ADGRB1: variants seen among roughly 807,000 people sequenced by gnomAD.
ADGRB1 encodes adhesion G protein-coupled receptor B1.
A neutral mutation model predicts 175.7 loss-of-function variants in ADGRB1; 36 were observed. The ratio of observed to expected loss-of-function variants is 0.20; its 90% confidence interval spans 0.16 to 0.27. The LOEUF (loss-of-function observed/expected upper bound fraction) is 0.27, where lower values mean the gene tolerates loss of function less well. Among genes scored for constraint, ADGRB1 ranks in the 10% least tolerant of loss-of-function variants. The probability of loss-of-function intolerance (pLI) is 1.00; values close to 1 mark genes in which losing one functional copy is unlikely to be tolerated. For missense variants in ADGRB1, 1,731 were observed against 2,255.3 expected (o/e 0.77, Z 4.71); for synonymous variants, 1,054 against 979.4 (o/e 1.08, Z -1.42).
At chr8:142,528,780 G>A (rs368151223) in intron 24 of ADGRB1, among the ~76,000 whole-genome samples, 17 of 152,160 alleles carry the variant, frequency 1.1e-4, no homozygotes, top group South Asian at 2.1e-4. Context: ...GGCCACTCCC[G>A]TCCCCCCGAT....
intron 23 of ADGRB1, among the ~76,000 whole-genome samples, chr8:142,526,308 G>A (rs1844182420): frequency 6.6e-6 from 1 of 152,212 alleles, no homozygotes; most frequent in Non-Finnish European, 1.5e-5. Flanking sequence ...AGTTGCAGCA[G>A]AGGTGCCGAC....
rs1839589194 is a variant in ADGRB1, at chr8:142,455,110, C to T, written c.-220+5006C>T. Among the ~76,000 whole-genome samples, 2 of 150,044 alleles carry T rather than the reference C, an allele frequency of 1.3e-5. No individual in the cohort carries two copies. The highest frequency in any genetic ancestry group is 3.0e-5 in the Non-Finnish European group (2 of 67,392). ...TGCCCCCCTACCATCTCACCCCACC[C>T]CATCACCCCCACCACCATTGCCCCC... On this transcript the variant is annotated intron_variant, in intron 1 of 30. Transcript: ENST00000517894. The surrounding 1 kb of genome is among the most constrained non-coding windows in gnomAD (Gnocchi z 4.9).
rs995351428 is a variant in ADGRB1 at position 142,537,800 on chromosome 8, C to T, written c.3666+718C>T. ...GCGGTTCCTACGTAAGGGCCCCCAA[C>T]AGCCCCCTGTGGAGCCTCAACTCTT... On this transcript the variant is annotated intron_variant, in intron 26 of 30. Transcript: ENST00000517894. The surrounding 1 kb of genome is among the most constrained non-coding windows in gnomAD (Gnocchi z 4.6). 6.6e-6 allele frequency among the ~76,000 whole-genome samples: 1 copy of T among 152,302 alleles called. No homozygotes were observed. The highest frequency in any genetic ancestry group is 6.5e-5 in the Admixed American group (1 of 15,298).
intron 27 of ADGRB1, among the ~76,000 whole-genome samples, chr8:142,540,227 G>C (rs929763607): frequency 6.6e-6 from 1 of 152,246 alleles, no homozygotes; most frequent in African/African-American, 2.4e-5. Flanking sequence ...TGGGGAGTGT[G>C]TGCTGGTGCC....
chr8:142,460,076 T>G (rs987403173), intron 1 of ADGRB1, among the ~76,000 whole-genome samples: 2 of 152,190 alleles, frequency 1.3e-5, no homozygotes, highest in Admixed American at 1.3e-4. Flanking sequence ...GGGCCTGGCG[T>G]GGGGGGGACA....
In ADGRB1 at chr8:142,455,836, G is replaced by A. The variant is rs374514570; in HGVS notation, c.-220+5732G>A. Among the ~76,000 whole-genome samples, 16 of 152,298 alleles carry A rather than the reference G, an allele frequency of 1.1e-4. No homozygotes were observed. The highest frequency in any genetic ancestry group is 6.2e-4 in the South Asian group (3 of 4,830). On this transcript the variant is annotated intron_variant, in intron 1 of 30. Coordinates refer to ENST00000517894, the MANE Select transcript of ADGRB1 (RefSeq NM_001702.3). This position sits in a 1 kb window ranked among gnomAD's most constrained non-coding sequence, Gnocchi z 4.9. ...AGCCCACACCCCACCCCCGACCACCGGGCCCTGGGGGCACACGGTTGGTCT... is the reference window on the plus strand; with the variant it reads ...AGCCCACACCCCACCCCCGACCACCAGGCCCTGGGGGCACACGGTTGGTCT...
chr8:142,544,284 C>T lies in ADGRB1; in HGVS notation c.4622C>T (p.Pro1541Leu). The change falls in exon 31 of 31, where the codon CCC (proline) becomes CTC (leucine). Residue 1541 changes from proline to leucine, a missense_variant. By Grantham distance (98) the Pro-to-Leu change is moderately conservative. Coordinates refer to ENST00000517894, the MANE Select transcript of ADGRB1 (RefSeq NM_001702.3). ...WESLRKAHGT[P>L]TWVKKELEPL... The stretch of plus-strand genomic sequence containing the variant: ...AGCCTCCGGAAAGCCCACGGGACGC[C>T]CACGTGGGTGAAGAAGGAGCTGGAG... 2 of 1,549,414 alleles carry T rather than the reference C, an allele frequency of 1.3e-6. No individual in the cohort carries two copies. Among genetic ancestry groups the T allele is most frequent in the Non-Finnish European group, 8.7e-7 (1 of 1,146,644 alleles).
intron 6 of ADGRB1, 45 bp downstream of exon 6, chr8:142,477,594 G>T: frequency 6.3e-7 from 1 of 1,583,674 alleles, no homozygotes. Flanking sequence ...AGGGAAGAAA[G>T]GGGAGGTCAC....
chr8:142,503,618 G>T (rs1476744794), intron 17 of ADGRB1, among the ~76,000 whole-genome samples: 1 of 152,096 alleles, frequency 6.6e-6, no homozygotes, highest in African/African-American at 2.4e-5. Flanking sequence ...CTCCTGCTGG[G>T]GAGGGGCAGC....
Position 142,517,701 on chromosome 8 carries a change from G to A in ADGRB1, c.2818-437G>A, listed in dbSNP as rs562196661. On this transcript the variant is annotated intron_variant, in intron 18 of 30. Transcript: ENST00000517894. ...CTGGATGGCATCTTGGATGGGGGTGGGCCGGAGTCAAAGCGGCTGCTGCCC... is the reference window on the plus strand; with the variant it reads ...CTGGATGGCATCTTGGATGGGGGTGAGCCGGAGTCAAAGCGGCTGCTGCCC... 3.3e-3 allele frequency among the ~76,000 whole-genome samples: 504 copies of A among 152,240 alleles called. 4 individuals carry two copies. Among genetic ancestry groups the A allele is most frequent in the African/African-American group, 0.011 (477 of 41,544 alleles).
chr8:142,453,093 G>T (rs1340754159), intron 1 of ADGRB1, among the ~76,000 whole-genome samples: 1 of 138,068 alleles, frequency 7.2e-6, no homozygotes, highest in East Asian at 2.6e-4. Flanking sequence ...CCCGTGACGC[G>T]CCTCGCGTCT....
intron 17 of ADGRB1, among the ~76,000 whole-genome samples, chr8:142,501,405 T>C (rs1300317971): frequency 1.5e-5 from 2 of 132,582 alleles, no homozygotes; most frequent in African/African-American, 5.9e-5. Context: ...GGAGGTGGGG[T>C]GGTGGTGGTG....
chr8:142,534,778 C>T (rs1844830404), intron 25 of ADGRB1, among the ~76,000 whole-genome samples: 1 of 152,228 alleles, frequency 6.6e-6, no homozygotes, highest in Non-Finnish European at 1.5e-5. Flanking sequence ...GTGGCCCCTT[C>T]TTATCCTCAC....
At chr8:142,516,485 G>C (rs555560534) in intron 18 of ADGRB1, among the ~76,000 whole-genome samples, 1 of 136,778 alleles carries the variant, frequency 7.3e-6, no homozygotes, top group African/African-American at 2.8e-5. Context: ...GTGTGTGCGC[G>C]CGCGTGTGTG....
At chr8:142,524,325 C>A in intron 23 of ADGRB1, 21 bp downstream of exon 23, 2 of 1,573,388 alleles carry the variant, frequency 1.3e-6, no homozygotes, top group East Asian at 2.3e-5. Context: ...GCCCAGGCCC[C>A]ACTCCCCACG....
chr8:142,544,588 C>T lies in ADGRB1; in HGVS notation c.*171C>T. 1 of 774,452 alleles carries T rather than the reference C, an allele frequency of 1.3e-6. No homozygotes were observed. The highest frequency in any genetic ancestry group is 1.8e-6 in the Non-Finnish European group (1 of 545,156). 48.0% of individuals were successfully genotyped at this position (774,452 alleles called of 1,614,324 possible). On this transcript the variant is annotated 3_prime_UTR_variant, in exon 31 of 31. Coordinates refer to ENST00000517894, the MANE Select transcript of ADGRB1 (RefSeq NM_001702.3). ...GGGCCCGCAGTGCTGGGACCAGAGCCAGATGCAGGACAGGAGGCGGCCCGG... is the reference window on the plus strand; with the variant it reads ...GGGCCCGCAGTGCTGGGACCAGAGCTAGATGCAGGACAGGAGGCGGCCCGG...
chr8:142,534,279 TG>T (rs1844804076), intron 25 of ADGRB1, among the ~76,000 whole-genome samples: 1 of 152,054 alleles, frequency 6.6e-6, no homozygotes, highest in Non-Finnish European at 1.5e-5. Flanking sequence ...AGGTCAGGCG[TG>T]GGAGGCCTGG....
Position 142,542,709 on chromosome 8 carries a change from C to T in ADGRB1, c.4413+62C>T. The T allele has an allele frequency of 1.4e-6, 2 of 1,433,996 alleles. No homozygotes were observed. Among genetic ancestry groups the T allele is most frequent in the Non-Finnish European group, 1.9e-6 (2 of 1,068,032 alleles). The allele number at this position is 1,433,996 out of a possible 1,614,324, so 88.8% of individuals were successfully genotyped here. On this transcript the variant is annotated intron_variant, in intron 28 of 30. Transcript: ENST00000517894. This position sits in a 1 kb window ranked among gnomAD's most constrained non-coding sequence, Gnocchi z 6.3. ...GAGGGCAGGGCTGCAGCAGCTGGGT[C>T]ACCCCTGCTGGGTGGGACCCCCACG... is the stretch of plus-strand genomic sequence containing the variant.
chr8:142,530,235 T>C (rs1844545037), intron 24 of ADGRB1, among the ~76,000 whole-genome samples: 1 of 151,970 alleles, frequency 6.6e-6, no homozygotes, highest in Admixed American at 6.6e-5. Context: ...TGAATGCGTG[T>C]GTGTGTGTGT....
Sources: allele counts gnomAD v4.1 joint callset (sites outside exome capture counted in the v4.1 genomes callset), GRCh38; gene constraint gnomAD v4.1.1; non-coding constraint Gnocchi (gnomAD v3.1); transcripts MANE v1.5; gene names NCBI Gene and HGNC (gene_info 2026-07-23, HGNC 2026-07-21).